The following SNX2 variants were observed in gnomAD, a reference collection of about 807,000 sequenced individuals.
SNX2 encodes sorting nexin 2, also known as sorting nexin-2.
SNX2 carries 25 observed loss-of-function variants against 69.9 expected under a neutral mutation model. That is an observed-to-expected ratio of 0.36 (90% CI 0.26 to 0.50). The LOEUF is 0.50. SNX2 is among the 20% of genes least tolerant of loss of function. The probability of loss-of-function intolerance (pLI) is 0.97; values close to 1 mark genes in which losing one functional copy is unlikely to be tolerated. For synonymous variants in SNX2, 229 were observed against 200.4 expected (o/e 1.14, Z -1.20); for missense variants, 551 against 613.3 (o/e 0.90, Z 1.07).
At chr5:122,777,670 C>T (rs2149998915) in intron 1 of SNX2, among the ~76,000 whole-genome samples, 1 of 152,278 alleles carries the variant, frequency 6.6e-6, no homozygotes, top group Non-Finnish European at 1.5e-5. Flanking sequence ...ATTACTATAT[C>T]TGTACACTTA....
At chr5:122,804,570 T>C (rs905231894) in intron 6 of SNX2, among the ~76,000 whole-genome samples, 13 of 152,150 alleles carry the variant, frequency 8.5e-5, no homozygotes, top group African/African-American at 2.9e-4. Context: ...GGTTTCACCA[T>C]ATTGGCCTGT....
At chr5:122,798,298 A>G (rs1290695454) in intron 2 of SNX2, among the ~76,000 whole-genome samples, 1 of 152,128 alleles carries the variant, frequency 6.6e-6, no homozygotes, top group Non-Finnish European at 1.5e-5. Context: ...AGCCTGTTTC[A>G]ACATATATAG....
At chr5:122,775,027 C>T (rs1051843280), upstream of SNX2, 18 of 1,336,222 alleles carry the variant, frequency 1.3e-5, 1 homozygote, top group African/African-American at 2.6e-4. Flanking sequence ...GCTGGCGGGT[C>T]GGCGCGGGCC....
chr5:122,778,587 C>T (rs886524971), intron 1 of SNX2, among the ~76,000 whole-genome samples: 6 of 152,250 alleles, frequency 3.9e-5, no homozygotes, highest in African/African-American at 9.6e-5. Flanking sequence ...TGGCTCACTG[C>T]AGTCTCCACC....
At chr5:122,785,495 A>C (rs1753065420) in intron 1 of SNX2, among the ~76,000 whole-genome samples, 1 of 122,786 alleles carries the variant, frequency 8.1e-6, no homozygotes, top group Admixed American at 8.3e-5. Context: ...CATTGATTTG[A>C]GACTTTTCTC....
chr5:122,801,747 C>A, intron 3 of SNX2, 122 bp from the exon 4 acceptor site: 2 of 555,402 alleles, frequency 3.6e-6, no homozygotes, highest in Non-Finnish European at 3.2e-6. Flanking sequence ...AAATGAAGTG[C>A]TGGGTGGCTA....
intron 11 of SNX2, among the ~76,000 whole-genome samples, chr5:122,821,427 C>T (rs534454921): frequency 4.2e-4 from 63 of 151,596 alleles, no homozygotes; most frequent in Non-Finnish European, 7.8e-4. Flanking sequence ...CTTAATAGGG[C>T]GGTCTCCCTA....
At chr5:122,779,588 A>G (rs1011880151) in intron 1 of SNX2, among the ~76,000 whole-genome samples, 5 of 152,218 alleles carry the variant, frequency 3.3e-5, no homozygotes, top group East Asian at 1.9e-4. Context: ...GAATATGACC[A>G]TGAGTATTCA....
At position 122,831,009 on chromosome 5, in the gene SNX2, C is replaced by CAAAAAA. The variant is rs58159922; in HGVS notation, c.*1380_*1385dup. Among the ~76,000 whole-genome samples the CAAAAAA allele has an allele frequency of 9.2e-4, 58 of 62,948 alleles. 1 individual carries two copies. The highest frequency in any genetic ancestry group is 1.7e-3 in the African/African-American group (28 of 16,736). The allele number at this position is 62,948 out of a possible 152,430, so 41.3% of individuals were successfully genotyped here. On this transcript the variant is annotated 3_prime_UTR_variant, in exon 15 of 15. Coordinates refer to ENST00000379516, the MANE Select transcript of SNX2 (RefSeq NM_003100.4). ...AGGCAACAAAAGCAAAACTCCATCTCAAAAAAAAAAAAAAAAAAAAAAAAG... is the reference window on the plus strand; with the variant it reads ...AGGCAACAAAAGCAAAACTCCATCTCAAAAAAAAAAAAAAAAAAAAAAAAAAAAAAG...
chr5:122,806,113 C>CGTGTGT (rs767764868), intron 6 of SNX2, among the ~76,000 whole-genome samples: 11 of 117,330 alleles, frequency 9.4e-5, no homozygotes, highest in Admixed American at 4.4e-4. Context: ...TGTGTGTGTG[C>CGTGTGT]GTGTGTGTAT....
intron 1 of SNX2, among the ~76,000 whole-genome samples, chr5:122,776,264 C>T (rs889715069): frequency 6.6e-6 from 1 of 152,098 alleles, no homozygotes; most frequent in African/African-American, 2.4e-5. Flanking sequence ...ATTCAGTTAC[C>T]TGAAACTGGA....
chr5:122,813,330 T>C (rs1042075511), intron 7 of SNX2, among the ~76,000 whole-genome samples: 1 of 152,136 alleles, frequency 6.6e-6, no homozygotes, highest in Non-Finnish European at 1.5e-5. Context: ...ATATATAAAC[T>C]AAAAAATGCA....
intron 6 of SNX2, among the ~76,000 whole-genome samples, chr5:122,808,018 A>G (rs568016775): frequency 6.6e-6 from 1 of 151,948 alleles, no homozygotes; most frequent in Admixed American, 6.6e-5. Flanking sequence ...GCTTTTCTGT[A>G]AACAAAAGCA....
In SNX2 at chr5:122,829,931, A is replaced by T. The variant is rs1754247912; in HGVS notation, c.*283A>T. On this transcript the variant is annotated 3_prime_UTR_variant, in exon 15 of 15. Transcript: ENST00000379516. ...ATTGTGTCTTAAATACTTGCACTAAATAGTGCACTGCAAGACCAGAAAATT... is the reference window on the plus strand; with the variant it reads ...ATTGTGTCTTAAATACTTGCACTAATTAGTGCACTGCAAGACCAGAAAATT... The T allele has an allele frequency of 7.3e-6, 3 of 412,292 alleles. No homozygotes were observed. In the South Asian group the frequency reaches 1.0e-4, roughly 14 times the overall value. 25.5% of individuals were successfully genotyped at this position (412,292 alleles called of 1,614,324 possible).
intron 1 of SNX2, among the ~76,000 whole-genome samples, chr5:122,793,346 C>T (rs1473874132): frequency 2.0e-5 from 3 of 152,084 alleles, no homozygotes; most frequent in South Asian, 2.1e-4. Context: ...TACATAGTAA[C>T]ATTAGGGCCA....
Position 122,829,779 on chromosome 5 carries a change from C to T in SNX2, c.*131C>T, listed in dbSNP as rs1056448843. On this transcript the variant is annotated 3_prime_UTR_variant, in exon 15 of 15. Transcript: ENST00000379516. ...TGAATTACATGTGGTTTTATATACA[C>T]ACACACACACACACACACACACACA... 6.4e-4 allele frequency: 54 copies of T among 84,240 alleles called. No individual in the cohort carries two copies. Among genetic ancestry groups the T allele is most frequent in the South Asian group, 1.9e-3 (5 of 2,656 alleles). 5.2% of individuals were successfully genotyped at this position (84,240 alleles called of 1,614,324 possible). A position where few individuals can be genotyped will look rare whatever the true frequency, so the allele number is the denominator to read the frequency against.
At chr5:122,797,364 T>A (rs909328112) in intron 2 of SNX2, among the ~76,000 whole-genome samples, 5 of 152,256 alleles carry the variant, frequency 3.3e-5, no homozygotes, top group Admixed American at 2.6e-4. Flanking sequence ...GTCATCTGTC[T>A]CCTTTGTTAA....
At chr5:122,823,618 C>T (rs1430492738) in intron 11 of SNX2, among the ~76,000 whole-genome samples, 2 of 152,110 alleles carry the variant, frequency 1.3e-5, no homozygotes, top group African/African-American at 4.8e-5. Context: ...TTTTACTGAA[C>T]AGAGGAATTT....
intron 1 of SNX2, among the ~76,000 whole-genome samples, chr5:122,783,435 A>G (rs1753018758): frequency 6.6e-6 from 1 of 152,178 alleles, no homozygotes; most frequent in African/African-American, 2.4e-5. Flanking sequence ...AGAATTTGGA[A>G]TTTTACATTG....
Sources: allele counts gnomAD v4.1 joint callset (sites outside exome capture counted in the v4.1 genomes callset), GRCh38; gene constraint gnomAD v4.1.1; transcripts MANE v1.5; gene names NCBI Gene and HGNC (gene_info 2026-07-23, HGNC 2026-07-21).